The following LPIN1 variants were observed in gnomAD, a reference collection of about 807,000 sequenced individuals.
LPIN1 encodes phosphatidate phosphatase LPIN1.
In LPIN1, 71 loss-of-function variants were observed where a neutral mutation model predicts 107.5. The ratio of observed to expected loss-of-function variants is 0.66; its 90% confidence interval spans 0.55 to 0.80. The LOEUF is 0.80. Among genes scored for constraint, LPIN1 ranks in the 30% least tolerant of loss-of-function variants. LPIN1 has a pLI of 0.00. For synonymous variants in LPIN1, 445 were observed against 452.6 expected (o/e 0.98, Z 0.21); for missense variants, 1,043 against 1,160.6 (o/e 0.90, Z 1.47).
At chr2:11,804,346 A>G (rs949427142) in intron 15 of LPIN1, 77 bp from the exon 16 acceptor site, 10 of 1,517,392 alleles carry the variant, frequency 6.6e-6, no homozygotes, top group South Asian at 1.1e-5. Context: ...CCTGCTTCTC[A>G]TAGAACAGAA....
intron 1 of LPIN1, among the ~76,000 whole-genome samples, chr2:11,685,893 C>T (rs1441098134): frequency 6.6e-6 from 1 of 152,162 alleles, no homozygotes; most frequent in African/African-American, 2.4e-5. Flanking sequence ...CTTATCCAAC[C>T]CCATTTCTTC....
In LPIN1 at chr2:11,783,861, G is replaced by A. The variant is rs1246402337; in HGVS notation, c.1297G>A (p.Val433Ile). Residue 433 changes from valine (V) to isoleucine (I), a missense_variant, in exon 9 of 21, where the codon GTC (valine) becomes ATC (isoleucine). By Grantham distance (29) the Val-to-Ile change is conservative. Transcript: ENST00000674199. The part of the protein sequence containing the change: ...KRSRHLGADG[V>I]YLDDLTDMDP... Reference sequence around the variant, plus strand: ...AAGCCGACATCTTGGTGCTGACGGCGTCTACTTGGATGACCTCACAGACAT... The same window carrying A: ...AAGCCGACATCTTGGTGCTGACGGCATCTACTTGGATGACCTCACAGACAT... The A allele has an allele frequency of 1.4e-5, 22 of 1,614,076 alleles. No homozygotes were observed. Among genetic ancestry groups the A allele is most frequent in the East Asian group, 2.2e-5 (1 of 44,898 alleles).
chr2:11,801,773 A>G (rs1677785545), intron 14 of LPIN1, among the ~76,000 whole-genome samples: 1 of 152,224 alleles, frequency 6.6e-6, no homozygotes. Context: ...TTCCCAACAC[A>G]AAGAAATGAT....
chr2:11,803,177 T>A lies in LPIN1; in HGVS notation c.2013+144T>A. 9.1e-7 allele frequency: 1 copy of A among 1,102,246 alleles called. No individual in the cohort carries two copies. The highest frequency in any genetic ancestry group is 1.4e-6 in the Non-Finnish European group (1 of 735,858). The allele number at this position is 1,102,246 out of a possible 1,614,324, so 68.3% of individuals were successfully genotyped here. ...TGCAATCCCTCAACTGGGTACCCGCTGTTTCCACCCCAACTCCAGCACTAT... is the reference window on the plus strand; with the variant it reads ...TGCAATCCCTCAACTGGGTACCCGCAGTTTCCACCCCAACTCCAGCACTAT... On this transcript the variant is annotated intron_variant, in intron 15 of 20. Coordinates refer to ENST00000674199, the MANE Select transcript of LPIN1 (RefSeq NM_001349206.2). The surrounding 1 kb of genome is among the most constrained non-coding windows in gnomAD (Gnocchi z 4.2).
chr2:11,730,884 A>AT lies in LPIN1; in HGVS notation c.-72+6346dup, dbSNP rs768925211. Among the ~76,000 whole-genome samples, 9 of 152,228 alleles carry AT rather than the reference A, an allele frequency of 5.9e-5. No homozygotes were observed. In the East Asian group the frequency reaches 1.7e-3, roughly 29 times the overall value. Reference sequence around the variant, plus strand: ...TACACCTTGGAGAGTGTCTTTCTGCATGTCACTCTCCTGTTCTGCTGCTCT... The same window carrying AT: ...TACACCTTGGAGAGTGTCTTTCTGCATTGTCACTCTCCTGTTCTGCTGCTCT... On this transcript the variant is annotated intron_variant, in intron 1 of 21. Transcript: ENST00000396097.
chr2:11,720,909 G>A (rs1343521498), upstream of LPIN1, among the ~76,000 whole-genome samples: 1 of 151,928 alleles, frequency 6.6e-6, no homozygotes, highest in Non-Finnish European at 1.5e-5. Context: ...CGAGAGAAGA[G>A]AATTCAGACT....
intron 1 of LPIN1, among the ~76,000 whole-genome samples, chr2:11,710,745 G>A (rs1663365140): frequency 6.6e-6 from 1 of 152,112 alleles, no homozygotes; most frequent in South Asian, 2.1e-4. Context: ...GCTCCTAGTA[G>A]AAGAACTGGA....
At chr2:11,756,503 C>T (rs1668712984) in intron 1 of LPIN1, among the ~76,000 whole-genome samples, 1 of 152,134 alleles carries the variant, frequency 6.6e-6, no homozygotes, top group Non-Finnish European at 1.5e-5. Flanking sequence ...ATTCTCCTGC[C>T]TCAGCCTCTC....
At position 11,787,135 on chromosome 2, in the gene LPIN1, T is replaced by C. The variant is rs757240941; in HGVS notation, c.1611T>C (p.Asp537=). 7 of 1,614,016 alleles carry C rather than the reference T, an allele frequency of 4.3e-6. No individual in the cohort carries two copies. Among genetic ancestry groups the C allele is most frequent in the South Asian group, 1.1e-5 (1 of 91,088 alleles). The change falls in exon 11 of 21, where the codon GAT becomes GAC. Residue 537 remains aspartate (D), a synonymous_variant. Transcript: ENST00000674199. Reference sequence around the variant, plus strand: ...TTGTGGACAACCCCGCTATTATCGATGACCCCAATCTCGTGGTAAAGATTG... The same window carrying C: ...TTGTGGACAACCCCGCTATTATCGACGACCCCAATCTCGTGGTAAAGATTG... The part of the protein sequence containing the change: ...QQFVDNPAII[D]DPNLVVKIGS...
At position 11,724,995 on chromosome 2, in the gene LPIN1, G is replaced by C. The variant is rs538260607; in HGVS notation, c.-72+456G>C. On this transcript the variant is annotated intron_variant, in intron 1 of 21. Transcript: ENST00000396097. ...GGGGAATGCGTGGCCGGGCGCGGTG[G>C]CTCACACCTGTAACCCAGCACTTAG... 1.3e-5 allele frequency among the ~76,000 whole-genome samples: 2 copies of C among 152,290 alleles called. 1 individual carries two copies. Among genetic ancestry groups the C allele is most frequent in the South Asian group, 4.1e-4 (2 of 4,822 alleles).
At chr2:11,716,893 T>G (rs138520236) in intron 2 of LPIN1, among the ~76,000 whole-genome samples, 39 of 152,340 alleles carry the variant, frequency 2.6e-4, no homozygotes, top group African/African-American at 9.1e-4. Flanking sequence ...ACGTTGTGCC[T>G]CCCTCTTGGC....
At position 11,826,813 on chromosome 2, in the gene LPIN1, G is replaced by A. The variant is rs1338201008; in HGVS notation, c.*2022G>A. 1.3e-5 allele frequency: 2 copies of A among 152,160 alleles called. No individual in the cohort carries two copies. The highest frequency in any genetic ancestry group is 4.8e-5 in the African/African-American group (2 of 41,434). 9.4% of individuals were successfully genotyped at this position (152,160 alleles called of 1,614,324 possible). ...CGGAGTTTTCAGAGGATGCAATTTT[G>A]GATCCCGAATTTTGATGTACCTTAA... On this transcript the variant is annotated 3_prime_UTR_variant, in exon 21 of 21. Transcript: ENST00000674199.
chr2:11,699,702 C>T (rs1662769792), intron 1 of LPIN1, among the ~76,000 whole-genome samples: 1 of 152,080 alleles, frequency 6.6e-6, no homozygotes, highest in African/African-American at 2.4e-5. Context: ...ACTGAGTGAC[C>T]ACCGTGTGCT....
At chr2:11,713,793 T>G in exon 2 of LPIN1, 1 of 1,523,392 alleles carries the variant, frequency 6.6e-7, no homozygotes, top group Non-Finnish European at 8.8e-7. Flanking sequence ...ATTCGAAATG[T>G]ATGGTCTTCA....
chr2:11,788,350 T>G, intron 11 of LPIN1, 37 bp from the exon 12 acceptor site: 1 of 1,524,852 alleles, frequency 6.6e-7, no homozygotes, highest in East Asian at 2.2e-5. Context: ...AGTCTGAGCC[T>G]CGGTTTTTTG....
intron 12 of LPIN1, among the ~76,000 whole-genome samples, chr2:11,791,159 T>C (rs548788482): frequency 2.6e-5 from 4 of 152,330 alleles, no homozygotes; most frequent in South Asian, 2.1e-4. Flanking sequence ...AAATTACTTA[T>C]CTGTCTGCTT....
At chr2:11,820,905 G>A (rs1319988311) in intron 20 of LPIN1, among the ~76,000 whole-genome samples, 1 of 152,186 alleles carries the variant, frequency 6.6e-6, no homozygotes, top group African/African-American at 2.4e-5. Flanking sequence ...CATACCAAAT[G>A]TTTCTTACCA....
chr2:11,718,672 T>C (rs1242007191), intron 2 of LPIN1, among the ~76,000 whole-genome samples: 1 of 152,264 alleles, frequency 6.6e-6, no homozygotes, highest in Admixed American at 6.5e-5. Context: ...TCTACGCCTG[T>C]CTGGCTTTGG....
intron 9 of LPIN1, 175 bp from the exon 10 acceptor site, chr2:11,784,706 CCTAAG>C (rs1276375913): frequency 2.9e-6 from 2 of 688,708 alleles, no homozygotes; most frequent in African/African-American, 1.8e-5. Flanking sequence ...GGTTTTCTCT[CCTAAG>C]CTAAGGCGTT....
Sources: allele counts gnomAD v4.1 joint callset (sites outside exome capture counted in the v4.1 genomes callset), GRCh38; gene constraint gnomAD v4.1.1; non-coding constraint Gnocchi (gnomAD v3.1); transcripts MANE v1.5; gene names NCBI Gene and HGNC (gene_info 2026-07-23, HGNC 2026-07-21).